Variants in DDHD1 observed in about 807,000 individuals in gnomAD.
DDHD1 encodes phospholipase DDHD1.
In DDHD1, 49 loss-of-function variants were observed where a neutral mutation model predicts 96.4. The observed-to-expected ratio is 0.51, with a 90% CI of 0.40 to 0.64. The LOEUF is 0.64. Among genes scored for constraint, DDHD1 ranks in the 30% least tolerant of loss-of-function variants. DDHD1 has a pLI of 0.00. For missense variants in DDHD1, 1,106 were observed against 1,161.2 expected (o/e 0.95, Z 0.69); for synonymous variants, 442 against 446.5 (o/e 0.99, Z 0.13).
At chr14:53,151,183 C>T (rs1310222709) in intron 1 of DDHD1, among the ~76,000 whole-genome samples, 1 of 152,124 alleles carries the variant, frequency 6.6e-6, no homozygotes, top group Non-Finnish European at 1.5e-5. Flanking sequence ...TGGTAAGGTC[C>T]TAACATACAG....
intron 1 of DDHD1, 89 bp from the exon 2 acceptor site, chr14:53,103,945 C>CACAAAATATATATT: frequency 8.3e-7 from 1 of 1,209,418 alleles, no homozygotes; most frequent in Non-Finnish European, 1.1e-6. Context: ...TATTTTGCTA[C>CACAAAATATATATT]TGCTGTCACA....
chr14:53,103,558 TA>T (rs143209037), intron 2 of DDHD1, 124 bp downstream of exon 2: 2 of 789,558 alleles, frequency 2.5e-6, no homozygotes, highest in Non-Finnish European at 3.7e-6. Flanking sequence ...ATCAAATGTT[TA>T]AAAAAATCAA....
rs540416914 is a variant in DDHD1 at position 53,145,435 on chromosome 14, C to T, written c.838+6826G>A. On this transcript the variant is annotated intron_variant, in intron 1 of 12. Transcript: ENST00000673822. The stretch of plus-strand genomic sequence containing the variant: ...GGAGGATTGCCTGAGCCTGGGAGGT[C>T]AAGGCTGCAGTGAACTATGATCACT... Among the ~76,000 whole-genome samples the T allele has an allele frequency of 3.0e-4, 40 of 132,846 alleles. No individual in the cohort carries two copies. The Admixed American group carries it at 3.5e-3, about 12-fold the overall frequency. The allele number at this position is 132,846 out of a possible 152,430, so 87.2% of individuals were successfully genotyped here. A position where few individuals can be genotyped will look rare whatever the true frequency, so the allele number is the denominator to read the frequency against.
At chr14:53,117,828 CTG>C (rs1327342823) in intron 1 of DDHD1, among the ~76,000 whole-genome samples, 1 of 152,210 alleles carries the variant, frequency 6.6e-6, no homozygotes, top group Non-Finnish European at 1.5e-5. Flanking sequence ...CATTCGAACT[CTG>C]AGAATGGACA....
chr14:53,071,484 A>G (rs1246987359), intron 6 of DDHD1, among the ~76,000 whole-genome samples: 1 of 152,086 alleles, frequency 6.6e-6, no homozygotes, highest in East Asian at 1.9e-4. Context: ...CCCCTTGTAC[A>G]AGATCCTTGT....
chr14:53,152,135 T>A, intron 1 of DDHD1, 126 bp downstream of exon 1: 2 of 989,574 alleles, frequency 2.0e-6, no homozygotes, highest in Non-Finnish European at 2.8e-6. Context: ...ATCTCCATCC[T>A]GCCCCAGCCA....
chr14:53,073,803 T>C lies in DDHD1; in HGVS notation c.1334A>G (p.Asn445Ser), dbSNP rs772863841. The C allele has an allele frequency of 1.1e-5, 18 of 1,611,178 alleles. No individual in the cohort carries two copies. The highest frequency in any genetic ancestry group is 1.4e-5 in the Non-Finnish European group (17 of 1,178,154). ...ARKIEERHFSNHATHVEFLPV... is the reference protein window; with the variant it reads ...ARKIEERHFSSHATHVEFLPV... ...CAGAAATTCAACATGTGTTGCATGG[T>C]TGGAAAAATGCCTTTCTTCTATTTT... The change falls in exon 5 of 13, where the codon AAC becomes AGC. Residue 445 changes from asparagine (N) to serine (S), a missense_variant. By Grantham distance (46) the Asn-to-Ser change is conservative. Transcript: ENST00000673822.
At chr14:53,049,769 C>G (rs1221292998) in intron 12 of DDHD1, among the ~76,000 whole-genome samples, 1 of 150,512 alleles carries the variant, frequency 6.6e-6, no homozygotes, top group African/African-American at 2.5e-5. Context: ...GGTTTCTGAA[C>G]AGTTGAAGAG....
rs79260262 is a variant in DDHD1, at chr14:53,058,687, T to A, written c.1843-61A>T. ...GTGAAGTGTTATCTTTCAACAAAAT[T>A]TGGGCATAACGTAATATATGGCAAA... On this transcript the variant is annotated intron_variant, in intron 8 of 12. Transcript: ENST00000673822. The A allele has an allele frequency of 5.9e-3, 8,947 of 1,504,980 alleles. 438 individuals carry two copies. In the African/African-American group the frequency reaches 0.11, roughly 18 times the overall value. The allele number at this position is 1,504,980 out of a possible 1,614,324, so 93.2% of individuals were successfully genotyped here. A position where few individuals can be genotyped will look rare whatever the true frequency, so the allele number is the denominator to read the frequency against.
intron 5 of DDHD1, 63 bp downstream of exon 5, chr14:53,073,678 T>G (rs929412215): frequency 1.4e-6 from 2 of 1,406,706 alleles, no homozygotes; most frequent in African/African-American, 1.5e-5. Context: ...TCTAAAACTT[T>G]CTGCATTTAT....
At chr14:53,134,796 A>G (rs1890112139) in intron 1 of DDHD1, among the ~76,000 whole-genome samples, 2 of 152,110 alleles carry the variant, frequency 1.3e-5, no homozygotes, top group Non-Finnish European at 2.9e-5. Context: ...TTAGTCCTTT[A>G]ATACCTGTTT....
chr14:53,092,084 T>C (rs914121660), intron 3 of DDHD1, 152 bp from the exon 4 acceptor site: 2 of 637,356 alleles, frequency 3.1e-6, no homozygotes, highest in South Asian at 2.6e-5. Context: ...AAGGTATATA[T>C]TGATCAGCTG....
rs541778167 is a variant in DDHD1 at position 53,044,480 on chromosome 14, T to C, written c.*2288A>G. 1 of 152,238 alleles carries C rather than the reference T, an allele frequency of 6.6e-6. No homozygotes were observed. The highest frequency in any genetic ancestry group is 1.5e-5 in the Non-Finnish European group (1 of 68,030). 9.4% of individuals were successfully genotyped at this position (152,238 alleles called of 1,614,324 possible). On this transcript the variant is annotated 3_prime_UTR_variant, in exon 13 of 13. Transcript: ENST00000673822. ...AAGAATAAATCCCTTCAAGTTCTTATGCATTTGAGTGTCATACCACCTACA... is the reference window on the plus strand; with the variant it reads ...AAGAATAAATCCCTTCAAGTTCTTACGCATTTGAGTGTCATACCACCTACA...
chr14:53,058,634 G>A lies in DDHD1; in HGVS notation c.1843-8C>T, dbSNP rs1054711450. On this transcript the variant is annotated splice_region_variant and splice_polypyrimidine_tract_variant and intron_variant, in intron 8 of 12. Coordinates refer to ENST00000673822, the MANE Select transcript of DDHD1 (RefSeq NM_001160148.2). The stretch of plus-strand genomic sequence containing the variant: ...ACAGAAGAAATTCTCAACCTAAAAT[G>A]ATAAAGTCATCTTAAAGTTTAAAAA... The A allele has an allele frequency of 1.3e-6, 2 of 1,579,756 alleles. No homozygotes were observed. Among genetic ancestry groups the A allele is most frequent in the Non-Finnish European group, 1.7e-6 (2 of 1,164,760 alleles).
At position 53,046,035 on chromosome 14, in the gene DDHD1, A is replaced by G. The variant is rs532690076; in HGVS notation, c.*733T>C. 3.9e-5 allele frequency: 6 copies of G among 152,340 alleles called. No individual in the cohort carries two copies. Among genetic ancestry groups the G allele is most frequent in the African/African-American group, 1.4e-4 (6 of 41,580 alleles). 9.4% of individuals were successfully genotyped at this position (152,340 alleles called of 1,614,324 possible). On this transcript the variant is annotated 3_prime_UTR_variant, in exon 13 of 13. Coordinates refer to ENST00000673822, the MANE Select transcript of DDHD1 (RefSeq NM_001160148.2). ...AATTGAACTAGTGTTGTATGAAGCC[A>G]TAAGTTTTTAATGAAAAAAAATGTA... is the stretch of plus-strand genomic sequence containing the variant.
At chr14:53,063,306 G>T in intron 6 of DDHD1, 101 bp from the exon 7 acceptor site, 5 of 1,312,276 alleles carry the variant, frequency 3.8e-6, no homozygotes, top group Non-Finnish European at 5.2e-6. Flanking sequence ...ATACATTACC[G>T]ATCAAATATA....
intron 1 of DDHD1, among the ~76,000 whole-genome samples, chr14:53,110,750 C>A (rs570580652): frequency 6.6e-6 from 1 of 152,040 alleles, no homozygotes; most frequent in Admixed American, 6.5e-5. Flanking sequence ...CTGAGGTGGG[C>A]GGATCATCTG....
At chr14:53,069,218 T>C (rs1884306907) in intron 6 of DDHD1, among the ~76,000 whole-genome samples, 1 of 152,108 alleles carries the variant, frequency 6.6e-6, no homozygotes, top group Admixed American at 6.6e-5. Context: ...GAACCCTGGT[T>C]TTCCTCAGTG....
chr14:53,091,970 C>G (rs1172016694), intron 3 of DDHD1, 38 bp from the exon 4 acceptor site: 2 of 1,552,282 alleles, frequency 1.3e-6, no homozygotes, highest in East Asian at 4.5e-5. Context: ...ACTATTTAAT[C>G]TGAGAAATAG....
Sources: gnomAD v4.1 joint callset for allele counts (sites outside exome capture counted in the v4.1 genomes callset) on GRCh38, gnomAD v4.1.1 for gene constraint, MANE v1.5 for transcripts, NCBI Gene and HGNC (gene_info 2026-07-23, HGNC 2026-07-21) for gene names.